The following IPP variants were observed in gnomAD, a reference collection of about 807,000 sequenced individuals.
IPP encodes intracisternal A particle-promoted polypeptide.
A neutral mutation model predicts 64.1 loss-of-function variants in IPP; 41 were observed. The observed-to-expected ratio is 0.64, with a 90% CI of 0.50 to 0.83. The LOEUF is 0.83. Ranked by LOEUF, IPP falls within the 40% of genes least tolerant of loss-of-function variation. IPP has a pLI of 0.00. For missense variants in IPP, 649 were observed against 703.0 expected, an observed-to-expected ratio of 0.92 and a Z score of 0.87; for synonymous variants, 214 against 235.2, an observed-to-expected ratio of 0.91 and a Z score of 0.83.
intron 3 of IPP, among the ~76,000 whole-genome samples, chr1:45,738,526 T>G (rs1646009924): frequency 6.6e-6 from 1 of 151,886 alleles, no homozygotes; most frequent in African/African-American, 2.4e-5. Context: ...TAATATATAT[T>G]AAATAAGGTG....
Position 45,699,707 on chromosome 1 carries a change from GAGTGGAGTGC to G in IPP, c.*249_*258del, listed in dbSNP as rs2148544555. 8.8e-7 allele frequency: 1 copy of G among 1,133,282 alleles called. No individual in the cohort carries two copies. The highest frequency in any genetic ancestry group is 1.6e-5 in the African/African-American group (1 of 64,080). The allele number at this position is 1,133,282 out of a possible 1,614,324, so 70.2% of individuals were successfully genotyped here. A position where few individuals can be genotyped will look rare whatever the true frequency, so the allele number is the denominator to read the frequency against. ...AGACAGGATCTCATTCTGTTGCCCA[GAGTGGAGTGC>G]AGTGGCATGATCGTAGCTTACTACA... On this transcript the variant is annotated 3_prime_UTR_variant, in exon 9 of 9. Transcript: ENST00000396478.
chr1:45,720,222 T>G (rs373252533), intron 5 of IPP, among the ~76,000 whole-genome samples: 1 of 152,094 alleles, frequency 6.6e-6, no homozygotes, highest in East Asian at 1.9e-4. Context: ...ACTATAAGCA[T>G]GTGCCACCAT....
intron 6 of IPP, among the ~76,000 whole-genome samples, chr1:45,718,537 T>A (rs1235680687): frequency 2.7e-5 from 4 of 150,720 alleles, no homozygotes; most frequent in African/African-American, 9.7e-5. Flanking sequence ...CCCGCCTGAG[T>A]GCCTCCTTAG....
intron 5 of IPP, among the ~76,000 whole-genome samples, chr1:45,727,233 A>G (rs1645840862): frequency 6.6e-6 from 1 of 151,928 alleles, no homozygotes; most frequent in African/African-American, 2.4e-5. Context: ...AATTTTTTGT[A>G]GAGATAAAGT....
downstream of IPP, chr1:45,694,756 C>A (rs1398481579): frequency 5.4e-6 from 2 of 372,570 alleles, no homozygotes; most frequent in African/African-American, 2.1e-5. Flanking sequence ...TACCACCAAA[C>A]ACATAATAGC....
chr1:45,702,450 T>C (rs926601804), intron 8 of IPP, among the ~76,000 whole-genome samples: 2 of 152,130 alleles, frequency 1.3e-5, no homozygotes, highest in Admixed American at 1.3e-4. Flanking sequence ...TCGTTGTTGT[T>C]GTTGTTATTA....
Position 45,699,976 on chromosome 1 carries a change from G to A in IPP, c.1745C>T (p.Ala582Val), listed in dbSNP as rs779721330. Residue 582 changes from alanine to valine, a missense_variant, in exon 9 of 9, where the codon GCT becomes GTT. Ala to Val is a moderately conservative substitution (Grantham distance 64). Transcript: ENST00000396478. ...GTTATGCTTTATATTTCATAGCACA[G>A]CAACGCCCCCTTCACAACGACTGGT... The part of the protein sequence containing the change: ...MITSRCEGGV[A>V]VL The A allele has an allele frequency of 1.3e-5, 21 of 1,614,020 alleles. No homozygotes were observed. The Admixed American group carries it at 3.5e-4, about 27-fold the overall frequency.
chr1:45,734,502 G>C (rs1645951483), intron 3 of IPP, among the ~76,000 whole-genome samples: 1 of 151,854 alleles, frequency 6.6e-6, no homozygotes, highest in South Asian at 2.1e-4. Context: ...CACTGGCACA[G>C]TCATAGCACA....
chr1:45,711,344 A>C (rs1258934809), intron 8 of IPP, among the ~76,000 whole-genome samples: 2 of 152,096 alleles, frequency 1.3e-5, no homozygotes, highest in African/African-American at 4.8e-5. Context: ...CCGTCTCAAA[A>C]CAAAAAACAA....
At chr1:45,721,096 G>C (rs945785461) in intron 5 of IPP, among the ~76,000 whole-genome samples, 2 of 152,050 alleles carry the variant, frequency 1.3e-5, no homozygotes, top group Non-Finnish European at 2.9e-5. Flanking sequence ...ACTTTATGAG[G>C]GTCTAGAATC....
chr1:45,733,508 A>G (rs1195885887), intron 3 of IPP, among the ~76,000 whole-genome samples: 4 of 151,616 alleles, frequency 2.6e-5, no homozygotes, highest in Non-Finnish European at 4.4e-5. Flanking sequence ...ATGCCTTACA[A>G]AATTTGAGGA....
chr1:45,698,514 C>G (rs993761257), downstream of IPP, among the ~76,000 whole-genome samples: 2 of 151,968 alleles, frequency 1.3e-5, no homozygotes, highest in South Asian at 2.1e-4. Flanking sequence ...ACTTATGAGT[C>G]AGTATCTATA....
intron 3 of IPP, among the ~76,000 whole-genome samples, chr1:45,737,886 C>T (rs140459512): frequency 8.5e-5 from 13 of 152,230 alleles, no homozygotes; most frequent in Admixed American, 2.0e-4. Context: ...ATATCATCAC[C>T]AGAAGGGTAA....
intron 3 of IPP, among the ~76,000 whole-genome samples, chr1:45,732,955 G>A (rs930439450): frequency 6.6e-6 from 1 of 151,904 alleles, no homozygotes; most frequent in Non-Finnish European, 1.5e-5. Context: ...GTGAGCCACC[G>A]TGCCCGGCCT....
downstream of IPP, among the ~76,000 whole-genome samples, chr1:45,695,489 A>G (rs962793062): frequency 1.3e-5 from 2 of 152,190 alleles, no homozygotes; most frequent in African/African-American, 4.8e-5. Context: ...AGCAAAAGCA[A>G]CACCTTAGAT....
chr1:45,719,235 A>C lies in IPP; in HGVS notation c.1154T>G (p.Val385Gly). ...ATAGATAGCCCCATAACACACACAC[A>C]CTCCTAAGCCGCAGCGGGGATGATT... ...SMNHPRCGLG[V>G]CVCYGAIYAL... The change falls in exon 6 of 9, where the codon GTG (valine) becomes GGG (glycine). Residue 385 changes from valine (V) to glycine (G), a missense_variant. Physicochemically the swap from Val to Gly is moderately radical, Grantham distance 109 (BLOSUM62 -3). Coordinates refer to ENST00000396478, the MANE Select transcript of IPP (RefSeq NM_005897.3). 1 of 1,613,634 alleles carries C rather than the reference A, an allele frequency of 6.2e-7. No homozygotes were observed. The highest frequency in any genetic ancestry group is 8.5e-7 in the Non-Finnish European group (1 of 1,179,790).
chr1:45,740,911 C>T lies in IPP; in HGVS notation c.714G>A (p.Lys238=), dbSNP rs1192187918. 6.3e-7 allele frequency: 1 copy of T among 1,587,010 alleles called. No homozygotes were observed. Among genetic ancestry groups the T allele is most frequent in the Non-Finnish European group, 8.6e-7 (1 of 1,168,280 alleles). ...FPLLPPQRLL[K]YIEGVSDFNL... ...TAGCAAAAAAGTTACCTTCTATATA[C>T]TTTAAAAGTCTCTGAGGAGGTAATA... Residue 238 remains lysine, a synonymous_variant, in exon 3 of 9, where the codon AAG becomes AAA. Transcript: ENST00000396478.
rs780623615 is a variant in IPP at position 45,741,258 on chromosome 1, C to A, written c.367G>T (p.Val123Phe). 27 of 1,614,004 alleles carry A rather than the reference C, an allele frequency of 1.7e-5. No homozygotes were observed. Among genetic ancestry groups the A allele is most frequent in the Non-Finnish European group, 2.3e-5 (27 of 1,179,892 alleles). Residue 123 changes from valine (V) to phenylalanine (F), a missense_variant, in exon 3 of 9, where the codon GTT (valine) becomes TTT (phenylalanine). Transcript: ENST00000396478. ...TTCAGAAATTCACAGCAAAGATGAA[C>A]AACTTCAGTCAACTGTAGCATGTCT... ...AADMLQLTEV[V>F]HLCCEFLKGQ...
intron 5 of IPP, among the ~76,000 whole-genome samples, chr1:45,719,800 A>G (rs938031299): frequency 3.3e-5 from 5 of 152,054 alleles, no homozygotes; most frequent in Non-Finnish European, 5.9e-5. Context: ...ATCTCGGCTC[A>G]CTGCAAGCTC....
Sources: allele counts gnomAD v4.1 joint callset (sites outside exome capture counted in the v4.1 genomes callset), GRCh38; gene constraint gnomAD v4.1.1; transcripts MANE v1.5; gene names NCBI Gene and HGNC (gene_info 2026-07-23, HGNC 2026-07-21).